Variants in OSBPL8 observed in about 807,000 individuals in gnomAD.
OSBPL8 encodes the protein oxysterol binding protein like 8.
Under a neutral mutation model 125.5 loss-of-function variants are expected in OSBPL8, and 59 were observed. The observed-to-expected ratio is 0.47, with a 90% CI of 0.38 to 0.58. The LOEUF is 0.58. Ranked by LOEUF, OSBPL8 falls within the 20% of genes least tolerant of loss-of-function variation. The pLI, the probability that OSBPL8 is intolerant of heterozygous loss-of-function variation, is 0.00. For synonymous variants in OSBPL8, 330 were observed against 338.9 expected, an observed-to-expected ratio of 0.97 and a Z score of 0.29; for missense variants, 758 against 1,047.8, an observed-to-expected ratio of 0.72 and a Z score of 3.82.
At chr12:76,378,871 G>A (rs930748031) in intron 15 of OSBPL8, among the ~76,000 whole-genome samples, 1 of 152,064 alleles carries the variant, frequency 6.6e-6, no homozygotes, top group Non-Finnish European at 1.5e-5. Flanking sequence ...CCAGGGTTCA[G>A]CAATTCTCCT....
chr12:76,496,573 T>G (rs1027475995), intron 1 of OSBPL8, among the ~76,000 whole-genome samples: 7 of 151,480 alleles, frequency 4.6e-5, no homozygotes, highest in African/African-American at 1.7e-4. Context: ...AGAGTTTCGC[T>G]CTTGTTGCCC....
At chr12:76,470,777 A>G (rs1317362399) in intron 2 of OSBPL8, among the ~76,000 whole-genome samples, 1 of 152,232 alleles carries the variant, frequency 6.6e-6, no homozygotes, top group Non-Finnish European at 1.5e-5. Context: ...TCTACCACAC[A>G]TAAGAATGCA....
At chr12:76,487,084 C>G (rs1347718888) in intron 2 of OSBPL8, among the ~76,000 whole-genome samples, 2 of 136,620 alleles carry the variant, frequency 1.5e-5, no homozygotes, top group African/African-American at 2.8e-5. Flanking sequence ...GGCTGGAGTG[C>G]AGAGGCGCTA....
chr12:76,448,455 A>G (rs940549748), intron 4 of OSBPL8, among the ~76,000 whole-genome samples: 1 of 152,066 alleles, frequency 6.6e-6, no homozygotes, highest in African/African-American at 2.4e-5. Context: ...GCACAGTGCA[A>G]AAAAAAACCA....
chr12:76,509,507 G>C (rs1592817365), intron 1 of OSBPL8, among the ~76,000 whole-genome samples: 1 of 152,202 alleles, frequency 6.6e-6, no homozygotes, highest in African/African-American at 2.4e-5. Context: ...TGAATTGCTT[G>C]ATTAAAGCAG....
In OSBPL8 at chr12:76,532,606, T is replaced by C. The variant is rs545724565; in HGVS notation, c.-68+26791A>G. ...TTTTGTTTTAACCTGTCCGGACCCA[T>C]TTCCCCTTCCTCTGTTAACATCCAC... is the stretch of plus-strand genomic sequence containing the variant. On this transcript the variant is annotated intron_variant, in intron 1 of 23. Coordinates refer to ENST00000261183, the MANE Select transcript of OSBPL8 (RefSeq NM_020841.5). 1.6e-4 allele frequency among the ~76,000 whole-genome samples: 24 copies of C among 152,108 alleles called. 1 individual carries two copies. In the East Asian group the frequency reaches 4.4e-3, roughly 28 times the overall value.
intron 4 of OSBPL8, among the ~76,000 whole-genome samples, chr12:76,435,680 T>TA (rs1378148753): frequency 3.3e-5 from 5 of 151,806 alleles, no homozygotes; most frequent in Non-Finnish European, 5.9e-5. Context: ...CCAATAAAGC[T>TA]AAAAAATAAA....
chr12:76,479,889 G>A (rs1360066075), intron 2 of OSBPL8, among the ~76,000 whole-genome samples: 11 of 152,080 alleles, frequency 7.2e-5, no homozygotes, highest in Middle Eastern at 3.4e-3. Flanking sequence ...ATGAGAGGCC[G>A]GGCGCGGTGG....
chr12:76,503,851 G>A (rs1172322875), intron 1 of OSBPL8, among the ~76,000 whole-genome samples: 2 of 151,980 alleles, frequency 1.3e-5, no homozygotes, highest in South Asian at 2.1e-4. Context: ...CCTATAACAA[G>A]TATGTTTTTA....
chr12:76,380,490 C>A (rs1952996157), intron 15 of OSBPL8, among the ~76,000 whole-genome samples: 1 of 119,356 alleles, frequency 8.4e-6, no homozygotes, highest in South Asian at 2.9e-4. Context: ...CCCTTGAGCT[C>A]AGGAGTTTGA....
At chr12:76,526,293 G>T (rs1950168416) in intron 1 of OSBPL8, among the ~76,000 whole-genome samples, 1 of 152,016 alleles carries the variant, frequency 6.6e-6, no homozygotes, top group African/African-American at 2.4e-5. Context: ...TCTATTTATT[G>T]ATATATATAT....
At chr12:76,363,127 G>C (rs1477371988) in intron 21 of OSBPL8, among the ~76,000 whole-genome samples, 1 of 152,190 alleles carries the variant, frequency 6.6e-6, no homozygotes, top group Non-Finnish European at 1.5e-5. Flanking sequence ...TACAGATTCA[G>C]TGCTATACCC....
intron 6 of OSBPL8, 35 bp downstream of exon 6, chr12:76,402,654 T>C (rs878961759): frequency 1.4e-5 from 20 of 1,463,158 alleles, no homozygotes; most frequent in Admixed American, 1.0e-4. Context: ...CAAAGCACAA[T>C]GTAAATTACC....
At chr12:76,399,827 A>T (rs1953974478) in intron 7 of OSBPL8, 46 bp downstream of exon 7, 2 of 1,466,620 alleles carry the variant, frequency 1.4e-6, no homozygotes, top group African/African-American at 1.4e-5. Context: ...CCATTCCAGT[A>T]GGTAAACATC....
intron 1 of OSBPL8, among the ~76,000 whole-genome samples, chr12:76,512,543 T>C (rs1175871773): frequency 2.6e-5 from 4 of 152,216 alleles, no homozygotes; most frequent in African/African-American, 9.6e-5. Flanking sequence ...CATTTGTCTA[T>C]GTGTCTGTTT....
At chr12:76,451,123 T>G in intron 3 of OSBPL8, 135 bp from the exon 4 acceptor site, 1 of 940,822 alleles carries the variant, frequency 1.1e-6, no homozygotes, top group Non-Finnish European at 1.5e-6. Context: ...AATACTTTAA[T>G]AAATTCTCAC....
At chr12:76,434,990 A>C (rs965218118) in intron 4 of OSBPL8, among the ~76,000 whole-genome samples, 4 of 152,168 alleles carry the variant, frequency 2.6e-5, no homozygotes, top group Non-Finnish European at 4.4e-5. Flanking sequence ...TGATCCAACA[A>C]CACCACTTCA....
At chr12:76,474,753 G>C (rs1156918975) in intron 2 of OSBPL8, among the ~76,000 whole-genome samples, 1 of 152,190 alleles carries the variant, frequency 6.6e-6, no homozygotes, top group Non-Finnish European at 1.5e-5. Context: ...AAAGTGCTGG[G>C]ATTACAGGCG....
chr12:76,436,039 C>G (rs1332813632), intron 4 of OSBPL8, among the ~76,000 whole-genome samples: 1 of 152,138 alleles, frequency 6.6e-6, no homozygotes, highest in Non-Finnish European at 1.5e-5. Context: ...GTCTTGCAGC[C>G]ATTCTCTCTA....
Sources: allele counts gnomAD v4.1 joint callset (sites outside exome capture counted in the v4.1 genomes callset), GRCh38; gene constraint gnomAD v4.1.1; transcripts MANE v1.5; gene names NCBI Gene and HGNC (gene_info 2026-07-23, HGNC 2026-07-21).